Variants in AK8 observed in about 807,000 individuals in gnomAD.
The protein encoded by AK8 is adenylate kinase 8.
In AK8, 44 loss-of-function variants were observed where a neutral mutation model predicts 54.6. The ratio of observed to expected loss-of-function variants is 0.81; its 90% CI spans 0.63 to 1.04. The LOEUF is 1.04. AK8 is among the 50% of genes least tolerant of loss of function. The pLI is 0.00. For missense variants in AK8, 555 were observed against 613.6 expected (o/e 0.90, Z 1.01); for synonymous variants, 239 against 245.6 (o/e 0.97, Z 0.25).
intron 3 of AK8, among the ~76,000 whole-genome samples, chr9:132,864,152 C>A (rs1319305970): frequency 1.3e-5 from 2 of 152,100 alleles, no homozygotes; most frequent in African/African-American, 4.8e-5. Context: ...AGCCCACACT[C>A]AGTGTTCTTT....
intron 11 of AK8, among the ~76,000 whole-genome samples, chr9:132,778,004 G>A (rs1839301437): frequency 6.6e-6 from 1 of 152,230 alleles, no homozygotes; most frequent in Admixed American, 6.5e-5. Context: ...GAGCGCAGCA[G>A]GCCTTTGCTG....
At chr9:132,866,558 G>A (rs1378744459) in intron 3 of AK8, among the ~76,000 whole-genome samples, 2 of 152,124 alleles carry the variant, frequency 1.3e-5, no homozygotes, top group Non-Finnish European at 2.9e-5. Context: ...TATGAAATGC[G>A]TGTACTGTTG....
In AK8 at chr9:132,854,919, G is replaced by C. The variant is rs1306310839; in HGVS notation, c.340C>G (p.Pro114Ala). 3 of 1,614,000 alleles carry C rather than the reference G, an allele frequency of 1.9e-6. No homozygotes were observed. The highest frequency in any genetic ancestry group is 2.2e-5 in the South Asian group (2 of 91,074). ...ATCAGCTGGACGAGCAGCGCGCTGG[G>C]AACTGTCTGAAGGAAAAAGGACACA... The part of the protein sequence containing the change: ...RRLYLQRKTV[P>A]SALLVQLIQE... Residue 114 changes from proline to alanine, a missense_variant, in exon 5 of 13, where the codon CCC becomes GCC. Transcript: ENST00000298545.
At position 132,758,750 on chromosome 9, in the gene AK8, C is replaced by A. The variant is rs146331324; in HGVS notation, c.1122-31216G>T. 7.0e-3 allele frequency among the ~76,000 whole-genome samples: 1,060 copies of A among 152,128 alleles called. 10 individuals are homozygous for A. Among genetic ancestry groups the A allele is most frequent in the Non-Finnish European group, 0.011 (756 of 67,998 alleles). On this transcript the variant is annotated intron_variant, in intron 11 of 12. Transcript: ENST00000298545. Reference sequence around the variant, plus strand: ...TGGGGATTACAGGCATGAGCCACCGCATTTTCCATTTTCTAATGAGGTTTA... The same window carrying A: ...TGGGGATTACAGGCATGAGCCACCGAATTTTCCATTTTCTAATGAGGTTTA...
At position 132,799,539 on chromosome 9, in the gene AK8, A is replaced by C. The variant is rs1840343000; in HGVS notation, c.980-6764T>G. On this transcript the variant is annotated intron_variant, in intron 10 of 12. Coordinates refer to ENST00000298545, the MANE Select transcript of AK8 (RefSeq NM_152572.3). This position sits in a 1 kb window ranked among gnomAD's most constrained non-coding sequence, Gnocchi z 5.0. The stretch of plus-strand genomic sequence containing the variant: ...TGTCTACACACACGACACCTGACAC[A>C]CTACAACACACACAGGCACGCACAC... 6.6e-6 allele frequency among the ~76,000 whole-genome samples: 1 copy of C among 151,804 alleles called. No homozygotes were observed. The highest frequency in any genetic ancestry group is 1.5e-5 in the Non-Finnish European group (1 of 67,928).
At chr9:132,824,529 G>T (rs1038134462) in intron 8 of AK8, among the ~76,000 whole-genome samples, 1 of 152,186 alleles carries the variant, frequency 6.6e-6, no homozygotes, top group African/African-American at 2.4e-5. Context: ...TCTTTGTTGC[G>T]GGGCTATTCT....
chr9:132,814,921 A>T (rs1841253674), intron 9 of AK8, among the ~76,000 whole-genome samples, 194 bp from the exon 10 acceptor site: 1 of 152,238 alleles, frequency 6.6e-6, no homozygotes. Context: ...AATAAATAAA[A>T]GAGAGAGGTG....
At chr9:132,807,042 C>T (rs567494505) in intron 10 of AK8, among the ~76,000 whole-genome samples, 1 of 152,212 alleles carries the variant, frequency 6.6e-6, no homozygotes, top group Non-Finnish European at 1.5e-5. Flanking sequence ...ACCTTTTCTA[C>T]ATACCAGGAC....
At position 132,803,979 on chromosome 9, in the gene AK8, G is replaced by A. The variant is rs777405324; in HGVS notation, c.979+10659C>T. On this transcript the variant is annotated intron_variant, in intron 10 of 12. Transcript: ENST00000298545. The surrounding 1 kb of genome is among the most constrained non-coding windows in gnomAD (Gnocchi z 4.4). ...AAATTAGCCGGGCGTGGTGGTGGGC[G>A]CCTGTAGTCCCAGTTACTCAGGAGG... 8.6e-5 allele frequency among the ~76,000 whole-genome samples: 13 copies of A among 151,842 alleles called. No homozygotes were observed. The highest frequency in any genetic ancestry group is 3.9e-4 in the Admixed American group (6 of 15,228).
intron 11 of AK8, among the ~76,000 whole-genome samples, chr9:132,741,965 A>G (rs1229423501): frequency 6.6e-6 from 1 of 152,160 alleles, no homozygotes; most frequent in South Asian, 2.1e-4. Context: ...AAATGAGATG[A>G]CCCATAGAAA....
chr9:132,824,158 C>G (rs1360539178), intron 8 of AK8, among the ~76,000 whole-genome samples: 1 of 152,214 alleles, frequency 6.6e-6, no homozygotes, highest in Non-Finnish European at 1.5e-5. Context: ...AGCTCAGAAA[C>G]AGGGAGCTGT....
chr9:132,808,896 AG>A (rs1371385736), intron 10 of AK8, among the ~76,000 whole-genome samples: 1 of 152,142 alleles, frequency 6.6e-6, no homozygotes, highest in African/African-American at 2.4e-5. Flanking sequence ...CAGGGCAATG[AG>A]GGGGTACCCA....
intron 11 of AK8, among the ~76,000 whole-genome samples, chr9:132,751,662 C>G (rs1837933147): frequency 1.3e-5 from 2 of 151,672 alleles, no homozygotes; most frequent in Admixed American, 1.3e-4. Context: ...TTGTGATAAT[C>G]CTGGTCCTTG....
chr9:132,738,081 T>A (rs949522768), intron 11 of AK8, among the ~76,000 whole-genome samples: 1 of 150,532 alleles, frequency 6.6e-6, no homozygotes, highest in African/African-American at 2.4e-5. Flanking sequence ...TGAGACAGAG[T>A]CTCACTCTGT....
intron 2 of AK8, among the ~76,000 whole-genome samples, chr9:132,871,933 G>A (rs1369670717): frequency 1.3e-5 from 2 of 152,208 alleles, no homozygotes; most frequent in Admixed American, 1.3e-4. Flanking sequence ...GCACACAGAG[G>A]AGCAAGATCA....
rs112927011 is a variant in AK8 at position 132,768,773 on chromosome 9, C to T, written c.1121+23861G>A. Among the ~76,000 whole-genome samples the T allele has an allele frequency of 5.4e-3, 815 of 152,248 alleles. 6 individuals are homozygous for T. The highest frequency in any genetic ancestry group is 0.019 in the African/African-American group (774 of 41,552). Reference sequence around the variant, plus strand: ...TTAAATACATTATAATACATCTGGACAGTCTCATGCTATGCAAACACCTAG... The same window carrying T: ...TTAAATACATTATAATACATCTGGATAGTCTCATGCTATGCAAACACCTAG... On this transcript the variant is annotated intron_variant, in intron 11 of 12. Coordinates refer to ENST00000298545, the MANE Select transcript of AK8 (RefSeq NM_152572.3).
Position 132,837,710 on chromosome 9 carries a change from C to T in AK8, c.403-8984G>A, listed in dbSNP as rs904939859. Among the ~76,000 whole-genome samples the T allele has an allele frequency of 1.3e-5, 2 of 152,172 alleles. No homozygotes were observed. Among genetic ancestry groups the T allele is most frequent in the Non-Finnish European group, 2.9e-5 (2 of 68,036 alleles). The stretch of plus-strand genomic sequence containing the variant: ...TCTGTATGCAGACACATGATCCACA[C>T]GTGCCCTTAAGAAGCCCATATCACA... On this transcript the variant is annotated intron_variant, in intron 5 of 12. Transcript: ENST00000298545. This position sits in a 1 kb window ranked among gnomAD's most constrained non-coding sequence, Gnocchi z 4.3.
chr9:132,780,652 T>C (rs1588123381), intron 11 of AK8, among the ~76,000 whole-genome samples: 1 of 152,174 alleles, frequency 6.6e-6, no homozygotes, highest in African/African-American at 2.4e-5. Flanking sequence ...GGAACCTATA[T>C]AGCAGTTTCC....
At position 132,766,968 on chromosome 9, in the gene AK8, A is replaced by G. The variant is rs1590216002; in HGVS notation, c.1121+25666T>C. Among the ~76,000 whole-genome samples the G allele has an allele frequency of 2.0e-5, 3 of 152,350 alleles. 1 individual carries two copies. In the East Asian group the frequency reaches 5.8e-4, roughly 29 times the overall value. On this transcript the variant is annotated intron_variant, in intron 11 of 12. Coordinates refer to ENST00000298545, the MANE Select transcript of AK8 (RefSeq NM_152572.3). ...ACTAGATCTCTATCTCTCCTCATAG[A>G]CAAAAATCAAATCAAAATAGATTGA...
Sources: gnomAD v4.1 joint callset for allele counts (sites outside exome capture counted in the v4.1 genomes callset) on GRCh38, gnomAD v4.1.1 for gene constraint, Gnocchi (gnomAD v3.1) non-coding constraint, MANE v1.5 for transcripts, NCBI Gene and HGNC (gene_info 2026-07-23, HGNC 2026-07-21) for gene names.